The following SGCD variants were observed in gnomAD, a reference collection of about 807,000 sequenced individuals.
SGCD encodes sarcoglycan delta, also known as delta-sarcoglycan.
A neutral mutation model predicts 36.6 loss-of-function variants in SGCD; 18 were observed. The ratio of observed to expected loss-of-function variants is 0.49; its 90% CI spans 0.34 to 0.73. SGCD has a LOEUF of 0.73. Among genes scored for constraint, SGCD ranks in the 30% least tolerant of loss-of-function variants. SGCD has a pLI of 0.01. For synonymous variants in SGCD, 133 were observed against 130.6 expected (o/e 1.02, Z -0.12); for missense variants, 387 against 346.7 (o/e 1.12, Z -0.92).
chr5:155,803,171 A>C, the SGCD span, among the ~76,000 whole-genome samples: 8 of 152,378 alleles, frequency 5.3e-5, no homozygotes, highest in African/African-American at 1.7e-4. Flanking sequence ...AGTCTGATCA[A>C]GAAAACATAA....
chr5:155,781,566 A>G, the SGCD span, among the ~76,000 whole-genome samples: 1 of 152,134 alleles, frequency 6.6e-6, no homozygotes, highest in South Asian at 2.1e-4. Flanking sequence ...AGTACCAGCG[A>G]TCCTGCCACC....
intron 4 of SGCD, among the ~76,000 whole-genome samples, chr5:156,532,462 T>A (rs1036499976): frequency 1.3e-5 from 2 of 152,102 alleles, no homozygotes; most frequent in African/African-American, 4.8e-5. Flanking sequence ...TTGTTTATTT[T>A]ATTTATTTAT....
At chr5:155,866,805 TTGTC>T (rs1390534275), upstream of SGCD, among the ~76,000 whole-genome samples, 1 of 152,132 alleles carries the variant, frequency 6.6e-6, no homozygotes, top group Non-Finnish European at 1.5e-5. Context: ...GACCCAAAGT[TTGTC>T]TGGAAACTTG....
chr5:156,270,400 A>G (rs1581208682), intron 3 of SGCD, among the ~76,000 whole-genome samples: 1 of 152,132 alleles, frequency 6.6e-6, no homozygotes, highest in South Asian at 2.1e-4. Context: ...GTTTCTTTTT[A>G]CTTGTAAACT....
intron 1 of SGCD, among the ~76,000 whole-genome samples, chr5:156,110,062 T>C (rs1384141175): frequency 6.6e-6 from 1 of 152,200 alleles, no homozygotes; most frequent in East Asian, 1.9e-4. Flanking sequence ...CAAAGTATAA[T>C]ATTTAAGGTA....
In SGCD at chr5:156,729,952, A is replaced by G. The variant is rs1366775083; in HGVS notation, c.576-27629A>G. ...AATGAAATTATACTTCTGACAGGGAACCACCTGAAATATCAAAACAATGGC... is the reference window on the plus strand; with the variant it reads ...AATGAAATTATACTTCTGACAGGGAGCCACCTGAAATATCAAAACAATGGC... On this transcript the variant is annotated intron_variant, in intron 7 of 8. Transcript: ENST00000337851. Among the ~76,000 whole-genome samples, 6 of 152,322 alleles carry G rather than the reference A, an allele frequency of 3.9e-5. No individual in the cohort carries two copies. The East Asian group carries it at 1.2e-3, about 29-fold the overall frequency.
At chr5:156,190,530 A>C (rs1340813355) in intron 3 of SGCD, among the ~76,000 whole-genome samples, 1 of 152,186 alleles carries the variant, frequency 6.6e-6, no homozygotes, top group East Asian at 1.9e-4. Flanking sequence ...AAACTTCTCC[A>C]AATCAATAAT....
chr5:156,619,777 A>C (rs1302119623), intron 6 of SGCD, among the ~76,000 whole-genome samples: 1 of 152,216 alleles, frequency 6.6e-6, no homozygotes, highest in Non-Finnish European at 1.5e-5. Context: ...CCTTTATTGG[A>C]AAGACTTGAA....
rs116117839 is a variant in SGCD at position 156,645,494 on chromosome 5, A to G, written c.503-1970A>G. 1.2e-3 allele frequency among the ~76,000 whole-genome samples: 182 copies of G among 152,272 alleles called. 1 individual carries two copies. The highest frequency in any genetic ancestry group is 4.1e-3 in the African/African-American group (171 of 41,564). On this transcript the variant is annotated intron_variant, in intron 6 of 8. Coordinates refer to ENST00000337851, the MANE Select transcript of SGCD (RefSeq NM_000337.6). ...GTTTTGAGAAGAAAGGTGATTGAGG[A>G]TTTAGCAAGCATTACTTGATGGTAT...
At chr5:156,482,592 A>C (rs1342981718) in intron 3 of SGCD, among the ~76,000 whole-genome samples, 1 of 152,198 alleles carries the variant, frequency 6.6e-6, no homozygotes, top group Non-Finnish European at 1.5e-5. Flanking sequence ...TCTCTTTAGA[A>C]AAATGATCCT....
intron 1 of SGCD, among the ~76,000 whole-genome samples, chr5:156,105,430 G>A (rs1179821985): frequency 1.7e-4 from 26 of 152,150 alleles, no homozygotes; most frequent in Admixed American, 1.7e-3. Flanking sequence ...TAATGGGCAA[G>A]TAAATAATTA....
At chr5:155,768,634 G>A in the SGCD span, among the ~76,000 whole-genome samples, 1 of 152,024 alleles carries the variant, frequency 6.6e-6, no homozygotes, top group South Asian at 2.1e-4. Flanking sequence ...AAAACGAACC[G>A]GCTCCAGAAC....
At chr5:155,978,004 G>T (rs371038074) in intron 1 of SGCD, among the ~76,000 whole-genome samples, 2 of 152,226 alleles carry the variant, frequency 1.3e-5, no homozygotes, top group South Asian at 2.1e-4. Context: ...TGAGGCAGGG[G>T]TATCGCTTAA....
At chr5:155,875,375 A>G (rs1341434966) in intron 1 of SGCD, among the ~76,000 whole-genome samples, 1 of 152,170 alleles carries the variant, frequency 6.6e-6, no homozygotes, top group East Asian at 1.9e-4. Flanking sequence ...TACTTGTTAA[A>G]TATATGCAGT....
intron 3 of SGCD, among the ~76,000 whole-genome samples, chr5:156,304,897 C>T (rs1365161214): frequency 6.6e-6 from 1 of 152,028 alleles, no homozygotes; most frequent in African/African-American, 2.4e-5. Context: ...TGCATTTTGC[C>T]CCTGCCCTGG....
At chr5:156,311,966 A>G (rs1767401360) in intron 3 of SGCD, among the ~76,000 whole-genome samples, 1 of 152,204 alleles carries the variant, frequency 6.6e-6, no homozygotes, top group South Asian at 2.1e-4. Context: ...ACCTATAGTT[A>G]CAAATGAATG....
At chr5:155,753,219 C>A in the SGCD span, among the ~76,000 whole-genome samples, 6 of 152,060 alleles carry the variant, frequency 3.9e-5, no homozygotes, top group African/African-American at 1.5e-4. Flanking sequence ...CGCCTGTAGT[C>A]CCACCTACTC....
In SGCD at chr5:156,282,004, C is replaced by T. The variant is rs1320894311; in HGVS notation, c.-43-47530C>T. Among the ~76,000 whole-genome samples the T allele has an allele frequency of 2.0e-5, 3 of 151,802 alleles. No homozygotes were observed. In the East Asian group the frequency reaches 5.8e-4, roughly 29 times the overall value. ...CAAGATCGCGCCACTGCACTCTAGC[C>T]TGGGGGACAGAGCGAGACTCCATAT... On this transcript the variant is annotated intron_variant, in intron 3 of 9. Coordinates refer to the SGCD transcript ENST00000517913.
chr5:156,625,046 C>A (rs1462656446), intron 6 of SGCD, among the ~76,000 whole-genome samples: 1 of 152,158 alleles, frequency 6.6e-6, no homozygotes. Flanking sequence ...CAATAAATCA[C>A]CTTCTTAGAG....
Sources: gnomAD v4.1 joint callset for allele counts (sites outside exome capture counted in the v4.1 genomes callset) on GRCh38, gnomAD v4.1.1 for gene constraint, MANE v1.5 for transcripts, NCBI Gene and HGNC (gene_info 2026-07-23, HGNC 2026-07-21) for gene names.